Variants in COPS3 observed in about 807,000 individuals in gnomAD.
COPS3 encodes COP9 signalosome subunit 3.
A neutral mutation model predicts 58.2 loss-of-function variants in COPS3; 10 were observed. The observed-to-expected ratio is 0.17, with a 90% CI of 0.11 to 0.29. The LOEUF (loss-of-function observed/expected upper bound fraction) is 0.29. COPS3 is among the 10% of genes least tolerant of loss of function. The pLI is 1.00. For missense variants in COPS3, 333 were observed against 510.1 expected, an observed-to-expected ratio of 0.65 and a Z score of 3.34; for synonymous variants, 187 against 181.7, an observed-to-expected ratio of 1.03 and a Z score of -0.24.
chr17:17,256,997 G>C (rs1482149822), intron 8 of COPS3, among the ~76,000 whole-genome samples: 1 of 152,164 alleles, frequency 6.6e-6, no homozygotes, highest in Non-Finnish European at 1.5e-5. Context: ...TACACAAGTA[G>C]TTTAACACAA....
chr17:17,281,239 G>T lies in COPS3; in HGVS notation c.-53C>A. The T allele has an allele frequency of 1.3e-6, 2 of 1,575,480 alleles. No individual in the cohort carries two copies. Among genetic ancestry groups the T allele is most frequent in the Admixed American group, 3.6e-5 (2 of 55,136 alleles). ...AAGGCAGCACGCGCGGGAAAAGGCT[G>T]CCGCTCTGGGAGGAGGGGCCGCGGC... On this transcript the variant is annotated 5_prime_UTR_variant, in exon 1 of 12. Coordinates refer to ENST00000268717, the MANE Select transcript of COPS3 (RefSeq NM_003653.4).
Position 17,276,113 on chromosome 17 carries a change from G to T in COPS3, c.107C>A (p.Ala36Glu). Residue 36 changes from alanine (A) to glutamate (E), a missense_variant, in exon 2 of 12, where the codon GCG becomes GAG. Physicochemically the swap from Ala to Glu is moderately radical, Grantham distance 107. Coordinates refer to ENST00000268717, the MANE Select transcript of COPS3 (RefSeq NM_003653.4). ...AGTGTCCAGATGGGATAAGTTCTTC[G>T]CAAGGAGTTCCCCACTCTTGTTGAT... ...ELINKSGELL[A>E]KNLSHLDTVL... The T allele has an allele frequency of 6.2e-7, 1 of 1,614,042 alleles. No homozygotes were observed. The highest frequency in any genetic ancestry group is 8.5e-7 in the Non-Finnish European group (1 of 1,179,974).
At chr17:17,253,357 T>C (rs1416300310) in intron 9 of COPS3, among the ~76,000 whole-genome samples, 1 of 152,236 alleles carries the variant, frequency 6.6e-6, no homozygotes, top group African/African-American at 2.4e-5. Context: ...TATGTACTTA[T>C]GTAACTGAAT....
At chr17:17,266,136 T>C (rs2048216093) in intron 5 of COPS3, among the ~76,000 whole-genome samples, 1 of 152,192 alleles carries the variant, frequency 6.6e-6, no homozygotes, top group Non-Finnish European at 1.5e-5. Context: ...ATAATCCACA[T>C]ACCATGTTAT....
chr17:17,262,416 C>G (rs2048121269), intron 6 of COPS3, among the ~76,000 whole-genome samples: 1 of 152,044 alleles, frequency 6.6e-6, no homozygotes, highest in Non-Finnish European at 1.5e-5. Context: ...AGTGGGCCAC[C>G]ATGCTTGACT....
At chr17:17,266,996 CT>C (rs1374981089) in intron 5 of COPS3, among the ~76,000 whole-genome samples, 1 of 150,700 alleles carries the variant, frequency 6.6e-6, no homozygotes, top group African/African-American at 2.4e-5. Context: ...GCGTGAACCA[CT>C]GCACCTGGCA....
chr17:17,274,670 G>A (rs547809517), intron 2 of COPS3, among the ~76,000 whole-genome samples: 1 of 151,728 alleles, frequency 6.6e-6, no homozygotes. Flanking sequence ...TGATCCACCC[G>A]CCTTGGCCTC....
chr17:17,264,042 T>C (rs2048168933), intron 6 of COPS3, among the ~76,000 whole-genome samples: 1 of 152,238 alleles, frequency 6.6e-6, no homozygotes, highest in South Asian at 2.1e-4. Context: ...ATGGTGGCCC[T>C]CCTCAGGTCC....
At chr17:17,247,447 GC>G (rs1475087893) in intron 11 of COPS3, 32 bp downstream of exon 11, 1 of 1,593,502 alleles carries the variant, frequency 6.3e-7, no homozygotes, top group African/African-American at 1.3e-5. Context: ...TCTCCACCCA[GC>G]CTACTTCTTG....
At chr17:17,279,074 A>T (rs1198742391) in intron 1 of COPS3, among the ~76,000 whole-genome samples, 1 of 151,964 alleles carries the variant, frequency 6.6e-6, no homozygotes, top group Non-Finnish European at 1.5e-5. Flanking sequence ...GGGTTTCACC[A>T]TGTTGGCCAG....
At chr17:17,269,453 G>C (rs2048299269) in intron 4 of COPS3, among the ~76,000 whole-genome samples, 1 of 151,688 alleles carries the variant, frequency 6.6e-6, no homozygotes, top group African/African-American at 2.4e-5. Context: ...AAAATCAGCT[G>C]GGAAAGGTGA....
rs540921504 is a variant in COPS3 at position 17,251,927 on chromosome 17, G to C, written c.1024-2888C>G. Among the ~76,000 whole-genome samples, 3 of 152,142 alleles carry C rather than the reference G, an allele frequency of 2.0e-5. No homozygotes were observed. In the East Asian group the frequency reaches 5.8e-4, roughly 30 times the overall value. Reference sequence around the variant, plus strand: ...TACTAAAAATACAAAAAATTAGCCAGGCGTAGTGGTGGGCGCCTGTAGTCC... The same window carrying C: ...TACTAAAAATACAAAAAATTAGCCACGCGTAGTGGTGGGCGCCTGTAGTCC... On this transcript the variant is annotated intron_variant, in intron 9 of 11. Coordinates refer to ENST00000268717, the MANE Select transcript of COPS3 (RefSeq NM_003653.4).
chr17:17,273,702 AT>A (rs1253483690), intron 2 of COPS3, among the ~76,000 whole-genome samples: 4 of 152,144 alleles, frequency 2.6e-5, no homozygotes, highest in Non-Finnish European at 5.9e-5. Flanking sequence ...AAACACAAAA[AT>A]TAGGCGGGCG....
rs200092656 is a variant in COPS3, at chr17:17,270,879, A to G, written c.298+17T>C. ...GCAAAATATTTTCAATGGAGAATAA[A>G]ATGTTATTTAGCTTACAAGTGTCTG... On this transcript the variant is annotated intron_variant, in intron 3 of 11. Transcript: ENST00000268717. 1.9e-6 allele frequency: 3 copies of G among 1,610,736 alleles called. No homozygotes were observed. The South Asian group carries it at 3.3e-5, about 18-fold the overall frequency.
chr17:17,258,565 A>T (rs760949010), intron 8 of COPS3, among the ~76,000 whole-genome samples: 3 of 152,074 alleles, frequency 2.0e-5, no homozygotes, highest in Non-Finnish European at 2.9e-5. Flanking sequence ...GGGTTCTTTT[A>T]TCTAAACTTC....
intron 10 of COPS3, 92 bp from the exon 11 acceptor site, chr17:17,247,652 T>C: frequency 1.6e-6 from 2 of 1,276,940 alleles, no homozygotes; most frequent in South Asian, 2.5e-5. Flanking sequence ...GTGCTATAGG[T>C]TCACAATCTC....
chr17:17,273,236 A>G (rs1173572823), intron 2 of COPS3, among the ~76,000 whole-genome samples: 2 of 152,196 alleles, frequency 1.3e-5, no homozygotes, highest in African/African-American at 4.8e-5. Context: ...AAGGATCTAG[A>G]GTTATGCTCT....
rs372197723 is a variant in COPS3 at position 17,270,108 on chromosome 17, G to T, written c.348+650C>A. ...GGAGGTGGAGGTTGCAGTGACCAGAGATGGCGCCACTGCACTCCAGCCTAG... is the reference window on the plus strand; with the variant it reads ...GGAGGTGGAGGTTGCAGTGACCAGATATGGCGCCACTGCACTCCAGCCTAG... On this transcript the variant is annotated intron_variant, in intron 4 of 11. Transcript: ENST00000268717. Among the ~76,000 whole-genome samples the T allele has an allele frequency of 4.6e-5, 7 of 152,084 alleles. No homozygotes were observed. In the South Asian group the frequency reaches 1.5e-3, roughly 32 times the overall value.
chr17:17,247,078 G>T lies in COPS3; in HGVS notation c.*20C>A. The T allele has an allele frequency of 6.2e-7, 1 of 1,609,850 alleles. No homozygotes were observed. Among genetic ancestry groups the T allele is most frequent in the Non-Finnish European group, 8.5e-7 (1 of 1,176,120 alleles). ...CCAAGATGGTAGTTTCTCTTGTTTA[G>T]CTCAGGATGGATGTTAGTTTCAAGA... On this transcript the variant is annotated 3_prime_UTR_variant, in exon 12 of 12. Transcript: ENST00000268717.
Sources: allele counts gnomAD v4.1 joint callset (sites outside exome capture counted in the v4.1 genomes callset), GRCh38; gene constraint gnomAD v4.1.1; transcripts MANE v1.5; gene names NCBI Gene and HGNC (gene_info 2026-07-23, HGNC 2026-07-21).